CUX1: variants seen among roughly 807,000 people sequenced by gnomAD.
CUX1 encodes cut like homeobox 1.
CUX1 carries 31 observed loss-of-function variants against 158.8 expected under a neutral mutation model. The ratio of observed to expected loss-of-function variants is 0.20; its 90% confidence interval spans 0.15 to 0.26. CUX1 has a LOEUF of 0.26. Ranked by LOEUF, CUX1 falls within the 10% of genes least tolerant of loss-of-function variation. The pLI is 1.00. For missense variants in CUX1, 1,589 were observed against 2,014.6 expected (o/e 0.79, Z 4.04); for synonymous variants, 879 against 862.1 (o/e 1.02, Z -0.34).
Position 102,205,358 on chromosome 7 carries a change from A to G in CUX1, c.3130+188A>G, listed in dbSNP as rs931110455. On this transcript the variant is annotated intron_variant, in intron 20 of 23. Coordinates refer to ENST00000292535, the MANE Select transcript of CUX1 (RefSeq NM_181552.4). ...AGTTTCTAATGGAGAGCGAGCTGAC[A>G]GTGCATGGAGGGACTCTGCCAAGAT... Among the ~76,000 whole-genome samples the G allele has an allele frequency of 2.6e-4, 39 of 152,204 alleles. 1 individual carries two copies. Among genetic ancestry groups the G allele is most frequent in the African/African-American group, 7.5e-4 (31 of 41,444 alleles).
At chr7:102,124,101 T>C (rs1832354719) in intron 8 of CUX1, among the ~76,000 whole-genome samples, 1 of 152,210 alleles carries the variant, frequency 6.6e-6, no homozygotes, top group Admixed American at 6.5e-5. Context: ...TGATTCACTG[T>C]TAAGGTAAGC....
chr7:102,149,911 C>G (rs1554503121), intron 8 of CUX1, among the ~76,000 whole-genome samples: 10 of 152,162 alleles, frequency 6.6e-5, no homozygotes. Context: ...TTTCCTCTAC[C>G]CCCTGTGCTA....
At chr7:102,234,630 A>G (rs1799337224) in intron 22 of CUX1, among the ~76,000 whole-genome samples, 1 of 152,080 alleles carries the variant, frequency 6.6e-6, no homozygotes, top group Non-Finnish European at 1.5e-5. Flanking sequence ...TAAGAAATGC[A>G]TTTTGTAGGC....
At chr7:102,239,219 G>A in intron 22 of CUX1, 101 bp from the exon 23 acceptor site, 1 of 1,363,954 alleles carries the variant, frequency 7.3e-7, no homozygotes, top group Non-Finnish European at 9.8e-7. Flanking sequence ...TCTATGCAAA[G>A]TCCTGCAAGC....
At chr7:102,062,080 G>A (rs892261333) in intron 3 of CUX1, among the ~76,000 whole-genome samples, 1 of 152,186 alleles carries the variant, frequency 6.6e-6, no homozygotes, top group East Asian at 1.9e-4. Context: ...GTCCTATAAG[G>A]TCCTTGCAGC....
chr7:102,150,700 C>T (rs1256529939), intron 8 of CUX1, among the ~76,000 whole-genome samples: 3 of 152,204 alleles, frequency 2.0e-5, no homozygotes, highest in East Asian at 1.9e-4. Flanking sequence ...ATATAATTTC[C>T]CTTCCATCGA....
intron 13 of CUX1, 78 bp from the exon 14 acceptor site, chr7:102,195,429 C>A: frequency 1.7e-6 from 2 of 1,162,574 alleles, no homozygotes; most frequent in Admixed American, 2.2e-5. Flanking sequence ...TGGAGGGAGG[C>A]AGGGCTCCAG....
intron 20 of CUX1, among the ~76,000 whole-genome samples, chr7:102,216,428 A>G (rs1292560651): frequency 2.0e-5 from 3 of 152,026 alleles, no homozygotes; most frequent in African/African-American, 7.2e-5. Context: ...CACACCGGCC[A>G]GAGAGCATGA....
chr7:101,838,819 A>G (rs1443153659), intron 1 of CUX1, among the ~76,000 whole-genome samples: 2 of 151,754 alleles, frequency 1.3e-5, no homozygotes, highest in African/African-American at 4.8e-5. Flanking sequence ...AAAAAAATCC[A>G]CCTTCAGAAT....
At chr7:102,214,864 G>A (rs416276) in intron 20 of CUX1, among the ~76,000 whole-genome samples, 74,699 of 152,232 alleles carry the variant, frequency 0.49, 20,094 homozygotes, top group East Asian at 0.87. Context: ...AATATAGCCC[G>A]AGTCTGAATT....
Position 101,936,490 on chromosome 7 carries a change from C to T in CUX1, c.141+20265C>T, listed in dbSNP as rs75341691. Among the ~76,000 whole-genome samples, 93 of 152,228 alleles carry T rather than the reference C, an allele frequency of 6.1e-4. 2 individuals are homozygous for T. In the East Asian group the frequency reaches 0.016, roughly 26 times the overall value. ...AGGGAACTCAGGGAGATGGGAACCC[C>T]GGGGAGGAAGTTAGGGCAGGATCCC... On this transcript the variant is annotated intron_variant, in intron 2 of 23. Transcript: ENST00000292535.
At chr7:102,057,150 C>T (rs376006377) in intron 3 of CUX1, among the ~76,000 whole-genome samples, 44 of 152,266 alleles carry the variant, frequency 2.9e-4, no homozygotes, top group African/African-American at 9.1e-4. Flanking sequence ...ATCCGCCCGC[C>T]GCAGCCTCCC....
At position 102,111,777 on chromosome 7, in the gene CUX1, T is replaced by A; in HGVS notation, c.607+3T>A. On this transcript the variant is annotated splice_donor_region_variant and intron_variant, in intron 7 of 23. Coordinates refer to ENST00000292535, the MANE Select transcript of CUX1 (RefSeq NM_181552.4). ...TAAGGTTCAGAGCCTACAAACAGGT[T>A]TGATACTCTCCTTCCTAGTACCATG... is the stretch of plus-strand genomic sequence containing the variant. 1.9e-6 allele frequency: 3 copies of A among 1,613,712 alleles called. No homozygotes were observed. Among genetic ancestry groups the A allele is most frequent in the Non-Finnish European group, 2.5e-6 (3 of 1,179,618 alleles).
At chr7:101,941,219 G>A (rs569592912) in intron 2 of CUX1, among the ~76,000 whole-genome samples, 22 of 152,294 alleles carry the variant, frequency 1.4e-4, no homozygotes, top group African/African-American at 4.3e-4. Context: ...GGAGGAGGGC[G>A]GGTTGGGGGA....
intron 18 of CUX1, among the ~76,000 whole-genome samples, chr7:102,203,873 C>A (rs1392142207): frequency 6.6e-6 from 1 of 152,206 alleles, no homozygotes; most frequent in Non-Finnish European, 1.5e-5. Context: ...CCTCTGGGCC[C>A]CCACCTTTGA....
At chr7:101,864,669 G>A (rs1236508587) in intron 1 of CUX1, among the ~76,000 whole-genome samples, 1 of 152,100 alleles carries the variant, frequency 6.6e-6, no homozygotes, top group Non-Finnish European at 1.5e-5. Flanking sequence ...TCCTGTCTCA[G>A]CCTCCCGAGT....
intron 11 of CUX1, among the ~76,000 whole-genome samples, chr7:102,187,674 ATT>A (rs59875022): frequency 0.069 from 9,845 of 142,292 alleles, 371 homozygotes; most frequent in African/African-American, 0.083. Context: ...AATTTTTTGT[ATT>A]TTTTTTTTTT....
chr7:102,260,068 CTGGG>C (rs1287010167), downstream of CUX1, among the ~76,000 whole-genome samples: 7 of 150,002 alleles, frequency 4.7e-5, no homozygotes, highest in South Asian at 8.5e-4. Flanking sequence ...GCACTCCAGC[CTGGG>C]CAACACAGCA....
At chr7:102,040,860 G>A (rs1216769253) in intron 3 of CUX1, among the ~76,000 whole-genome samples, 1 of 152,222 alleles carries the variant, frequency 6.6e-6, no homozygotes, top group Non-Finnish European at 1.5e-5. Flanking sequence ...TGTAAAACGA[G>A]TGGGTTACCC....
Sources: allele counts gnomAD v4.1 joint callset (sites outside exome capture counted in the v4.1 genomes callset), GRCh38; gene constraint gnomAD v4.1.1; transcripts MANE v1.5; gene names NCBI Gene and HGNC (gene_info 2026-07-23, HGNC 2026-07-21).